The following PDE2A variants were observed in gnomAD, a reference collection of about 807,000 sequenced individuals.
PDE2A encodes the protein cGMP-dependent 3',5'-cyclic phosphodiesterase.
In PDE2A, 53 loss-of-function variants were observed where a neutral mutation model predicts 133.6. The observed-to-expected ratio is 0.40, with a 90% CI of 0.32 to 0.50. The LOEUF is 0.50. PDE2A is among the 20% of genes least tolerant of loss of function. PDE2A has a pLI of 0.73. For synonymous variants in PDE2A, 491 were observed against 490.2 expected (o/e 1.00, Z -0.02); for missense variants, 796 against 1,232.4 (o/e 0.65, Z 5.30).
At chr11:72,660,128 C>A (rs1435502896) in intron 1 of PDE2A, among the ~76,000 whole-genome samples, 2 of 152,220 alleles carry the variant, frequency 1.3e-5, no homozygotes, top group Admixed American at 6.5e-5. Context: ...TAAAAATATT[C>A]TTTTCTTAAT....
At chr11:72,625,952 G>T (rs79702662) in intron 2 of PDE2A, among the ~76,000 whole-genome samples, 1 of 152,230 alleles carries the variant, frequency 6.6e-6, no homozygotes, top group Non-Finnish European at 1.5e-5. Flanking sequence ...CAGGACGGTG[G>T]GGGGTGGGGC....
Position 72,581,877 on chromosome 11 carries a change from C to T in PDE2A, c.1922G>A (p.Arg641Gln), listed in dbSNP as rs770576443. The T allele has an allele frequency of 1.9e-6, 3 of 1,613,696 alleles. No homozygotes were observed. Among genetic ancestry groups the T allele is most frequent in the South Asian group, 2.2e-5 (2 of 91,054 alleles). Residue 641 changes from arginine (R) to glutamine (Q), a missense_variant and splice_region_variant, in exon 22 of 31, where the codon CGG (arginine) becomes CAG (glutamine). Around this residue, in one of 7 missense-constraint regions of PDE2A, gnomAD observed 218 missense variants for 465.9 expected, o/e 0.47. Transcript: ENST00000334456. ...TGGGGCTGTCTGTGGGCGCACGAACCGGGCCAGGGTCGGGCAGTCAATTTT... is the reference window on the plus strand; with the variant it reads ...TGGGGCTGTCTGTGGGCGCACGAACTGGGCCAGGGTCGGGCAGTCAATTTT... ...NYKIDCPTLARFCLMVKKGYR... is the reference protein window; with the variant it reads ...NYKIDCPTLAQFCLMVKKGYR...
chr11:72,615,154 A>G (rs1470112879), intron 2 of PDE2A: 1 of 480,454 alleles, frequency 2.1e-6, no homozygotes, highest in Non-Finnish European at 4.6e-6. Context: ...AGTGCCTCCC[A>G]AGGGTGTCCC....
chr11:72,655,121 G>A (rs545998515), intron 1 of PDE2A, among the ~76,000 whole-genome samples: 18 of 152,272 alleles, frequency 1.2e-4, no homozygotes, highest in African/African-American at 3.9e-4. Context: ...AGGGGAAGGC[G>A]GGCAGCTGCA....
chr11:72,657,751 T>A, intron 1 of PDE2A: 1 of 453,264 alleles, frequency 2.2e-6, no homozygotes, highest in South Asian at 1.6e-5. Flanking sequence ...GGAGCAGGGA[T>A]TGAACTCCAT....
At chr11:72,579,668 C>T (rs1855630541) in intron 25 of PDE2A, 60 bp from the exon 26 acceptor site, 1 of 1,206,952 alleles carries the variant, frequency 8.3e-7, no homozygotes, top group Middle Eastern at 2.4e-4. Context: ...TACCATTGAC[C>T]CCAAGAGAGG....
intron 4 of PDE2A, among the ~76,000 whole-genome samples, chr11:72,600,930 C>G (rs948194966): frequency 6.6e-6 from 1 of 151,794 alleles, no homozygotes; most frequent in Non-Finnish European, 1.5e-5. Flanking sequence ...GAAAAAGAAT[C>G]GAGGGAAAGG....
intron 2 of PDE2A, among the ~76,000 whole-genome samples, chr11:72,624,900 G>A (rs1037254310): frequency 1.4e-4 from 22 of 152,286 alleles, no homozygotes; most frequent in African/African-American, 3.9e-4. Context: ...CATAAGCTCC[G>A]TGTCACATGT....
intron 1 of PDE2A, among the ~76,000 whole-genome samples, chr11:72,664,363 G>GTTT (rs1565198393): frequency 2.2e-5 from 2 of 92,336 alleles, no homozygotes; most frequent in African/African-American, 4.3e-5. Flanking sequence ...CCCCTTGAAG[G>GTTT]ATTTTTTTTT....
In PDE2A at chr11:72,674,390, C is replaced by A. The variant is rs1326359899; in HGVS notation, c.-183G>T. ...GCTGCCCCGCTGCTCCCGCCTCTCC[C>A]GCTGCCACTGCCTCTGCTGCTCGGC... On this transcript the variant is annotated 5_prime_UTR_variant, in exon 1 of 31. Coordinates refer to ENST00000334456, the MANE Select transcript of PDE2A (RefSeq NM_002599.5). The A allele has an allele frequency of 1.7e-5, 10 of 584,446 alleles. No homozygotes were observed. In the Middle Eastern group the frequency reaches 1.4e-3, roughly 80 times the overall value. The allele number at this position is 584,446 out of a possible 1,614,324, so 36.2% of individuals were successfully genotyped here. A position where few individuals can be genotyped will look rare whatever the true frequency, so the allele number is the denominator to read the frequency against.
At chr11:72,657,347 G>A (rs966440980) in intron 1 of PDE2A, among the ~76,000 whole-genome samples, 2 of 152,136 alleles carry the variant, frequency 1.3e-5, no homozygotes, top group Non-Finnish European at 2.9e-5. Flanking sequence ...GGAAAGAGGA[G>A]GGATGGAGGA....
At chr11:72,616,903 A>G (rs1857503892) in intron 2 of PDE2A, among the ~76,000 whole-genome samples, 1 of 152,182 alleles carries the variant, frequency 6.6e-6, no homozygotes, top group Admixed American at 6.5e-5. Context: ...CCTTCTGAGA[A>G]TTCCCAGGGA....
At position 72,578,299 on chromosome 11, in the gene PDE2A, C is replaced by T. The variant is rs1157295293; in HGVS notation, c.2549G>A (p.Arg850Gln). The T allele has an allele frequency of 1.9e-6, 3 of 1,613,890 alleles. No individual in the cohort carries two copies. The highest frequency in any genetic ancestry group is 2.5e-6 in the Non-Finnish European group (3 of 1,179,868). ...MGNRPMEMMD[R>Q]EKAYIPELQI... The stretch of plus-strand genomic sequence containing the variant: ...CAGCTCAGGGATATAGGCCTTCTCC[C>T]GGTCCATCATCTCCATCGGCCTGTT... The change falls in exon 30 of 31, where the codon CGG becomes CAG. Residue 850 changes from arginine (R) to glutamine (Q), a missense_variant. Around this residue, in one of 7 missense-constraint regions of PDE2A, gnomAD observed 28 missense variants for 86.0 expected, o/e 0.33. Transcript: ENST00000334456. This position sits in a 1 kb window ranked among gnomAD's most constrained non-coding sequence, Gnocchi z 4.2.
chr11:72,582,130 C>G (rs1307552312), intron 21 of PDE2A, 183 bp from the exon 22 acceptor site: 2 of 620,376 alleles, frequency 3.2e-6, no homozygotes, highest in Non-Finnish European at 5.7e-6. Context: ...GATCTAAGAA[C>G]TAAGAACTCT....
chr11:72,590,015 C>T lies in PDE2A; in HGVS notation c.757-34G>A, dbSNP rs914661755. On this transcript the variant is annotated intron_variant, in intron 9 of 30. Coordinates refer to ENST00000334456, the MANE Select transcript of PDE2A (RefSeq NM_002599.5). This position sits in a 1 kb window ranked among gnomAD's most constrained non-coding sequence, Gnocchi z 4.8. The stretch of plus-strand genomic sequence containing the variant: ...GGGACAGGCAGGGCGAGGGGGTGAC[C>T]GCGGATCCGGGTCACCCCACTCCCC... The T allele has an allele frequency of 6.3e-7, 1 of 1,582,154 alleles. No individual in the cohort carries two copies. The highest frequency in any genetic ancestry group is 1.1e-5 in the South Asian group (1 of 87,658).
chr11:72,633,282 G>A (rs771889286), intron 2 of PDE2A, among the ~76,000 whole-genome samples: 6 of 152,150 alleles, frequency 3.9e-5, no homozygotes, highest in Admixed American at 1.3e-4. Flanking sequence ...ATCTGTCACC[G>A]CCTCCCCATT....
intron 14 of PDE2A, 30 bp from the exon 15 acceptor site, chr11:72,585,623 G>A: frequency 1.2e-6 from 2 of 1,609,700 alleles, no homozygotes; most frequent in Non-Finnish European, 1.7e-6. Context: ...GATCATAGGG[G>A]GGTCGGGGTG....
rs138627347 is a variant in PDE2A, at chr11:72,629,739, G to A, written c.144+12515C>T. The stretch of plus-strand genomic sequence containing the variant: ...CAGGGGCCGGGAAAGAGTGAGCCTC[G>A]AGCCTGAGACACATCTAGGCTCCAA... On this transcript the variant is annotated intron_variant, in intron 2 of 30. Coordinates refer to ENST00000334456, the MANE Select transcript of PDE2A (RefSeq NM_002599.5). 9.1e-3 allele frequency among the ~76,000 whole-genome samples: 1,384 copies of A among 152,040 alleles called. 17 individuals are homozygous for A. Among genetic ancestry groups the A allele is most frequent in the African/African-American group, 0.031 (1,277 of 41,436 alleles).
At chr11:72,672,213 A>C (rs1855402562) in intron 1 of PDE2A, among the ~76,000 whole-genome samples, 1 of 148,998 alleles carries the variant, frequency 6.7e-6, no homozygotes, top group African/African-American at 2.5e-5. Context: ...TCACTTTGTC[A>C]CCCCCAGGCT....
Sources: allele counts gnomAD v4.1 joint callset (sites outside exome capture counted in the v4.1 genomes callset), GRCh38; gene constraint gnomAD v4.1.1; regional missense constraint gnomAD v4.1.1; non-coding constraint Gnocchi (gnomAD v3.1); transcripts MANE v1.5; gene names NCBI Gene and HGNC (gene_info 2026-07-23, HGNC 2026-07-21).